ADGRL2: variants seen among roughly 807,000 people sequenced by gnomAD.
ADGRL2 encodes adhesion G protein-coupled receptor L2.
ADGRL2 carries 44 observed loss-of-function variants against 157.4 expected under a neutral mutation model. The ratio of observed to expected loss-of-function variants is 0.28; its 90% CI spans 0.22 to 0.36. The LOEUF (loss-of-function observed/expected upper bound fraction) is 0.36, where lower values mean the gene tolerates loss of function less well. ADGRL2 is among the 10% of genes least tolerant of loss of function. ADGRL2 has a pLI of 1.00. For missense variants in ADGRL2, 1,510 were observed against 1,768.9 expected, an observed-to-expected ratio of 0.85 and a Z score of 2.63; for synonymous variants, 585 against 624.7, an observed-to-expected ratio of 0.94 and a Z score of 0.95.
intron 1 of ADGRL2, among the ~76,000 whole-genome samples, chr1:81,381,967 G>T (rs2101053278): frequency 6.6e-6 from 1 of 152,258 alleles, no homozygotes; most frequent in South Asian, 2.1e-4. Flanking sequence ...GCCCTTCGTT[G>T]TTTGTGATTC....
Position 81,984,729 on chromosome 1 carries a change from A to G in ADGRL2, c.3411+18A>G. 1.9e-6 allele frequency: 3 copies of G among 1,611,390 alleles called. No homozygotes were observed. Among genetic ancestry groups the G allele is most frequent in the Non-Finnish European group, 2.5e-6 (3 of 1,178,238 alleles). ...GCACACAGGTAACAAAGAGTTTGAC[A>G]GCATCTTTAATTAACCTTATTTATA... On this transcript the variant is annotated intron_variant, in intron 20 of 23. Transcript: ENST00000686636.
At chr1:81,937,179 A>G (rs1342979886) in intron 4 of ADGRL2, among the ~76,000 whole-genome samples, 2 of 151,936 alleles carry the variant, frequency 1.3e-5, no homozygotes, top group Non-Finnish European at 2.9e-5. Context: ...TTTTCTAAAG[A>G]AGGAATTGAC....
intron 1 of ADGRL2, among the ~76,000 whole-genome samples, chr1:81,740,716 C>A (rs2085046183): frequency 6.6e-6 from 1 of 152,120 alleles, no homozygotes; most frequent in African/African-American, 2.4e-5. Context: ...GCAAGTTAAA[C>A]CATTTGGTGG....
chr1:81,944,286 A>G lies in ADGRL2; in HGVS notation c.1210+517A>G, dbSNP rs540550009. Among the ~76,000 whole-genome samples, 5 of 152,032 alleles carry G rather than the reference A, an allele frequency of 3.3e-5. No homozygotes were observed. In the South Asian group the frequency reaches 8.3e-4, roughly 25 times the overall value. On this transcript the variant is annotated intron_variant, in intron 6 of 23. Coordinates refer to ENST00000686636, the MANE Select transcript of ADGRL2 (RefSeq NM_001366006.2). ...TTATCATGTAAAATTACATGTTTTT[A>G]TTTTCTGATAAATTAGTGACAGTTT...
upstream of ADGRL2, among the ~76,000 whole-genome samples, chr1:81,798,128 ATAT>A (rs201182752): frequency 0.018 from 2,706 of 152,244 alleles, 72 homozygotes; most frequent in African/African-American, 0.061. Context: ...ACATCTGTAG[ATAT>A]TATTAAGCTT....
chr1:81,540,792 G>T (rs1369224159), intron 2 of ADGRL2, among the ~76,000 whole-genome samples: 1 of 152,174 alleles, frequency 6.6e-6, no homozygotes, highest in Non-Finnish European at 1.5e-5. Flanking sequence ...AGGTAATTAT[G>T]TGAATTAGCT....
At chr1:81,448,569 G>C (rs930785554) in intron 2 of ADGRL2, among the ~76,000 whole-genome samples, 1 of 151,930 alleles carries the variant, frequency 6.6e-6, no homozygotes, top group Non-Finnish European at 1.5e-5. Flanking sequence ...AGGTGTGGTG[G>C]CCTACCCCTA....
chr1:81,424,300 G>A (rs1032096991), intron 1 of ADGRL2, among the ~76,000 whole-genome samples: 2 of 152,246 alleles, frequency 1.3e-5, no homozygotes, highest in African/African-American at 2.4e-5. Flanking sequence ...CACGAAGGAA[G>A]TGCACAGCCG....
chr1:81,326,987 C>T (rs1208021626), intron 1 of ADGRL2, among the ~76,000 whole-genome samples: 1 of 152,180 alleles, frequency 6.6e-6, no homozygotes, highest in Non-Finnish European at 1.5e-5. Flanking sequence ...ACTCGGATTT[C>T]CCTGCAGCGG....
At chr1:81,479,923 T>C (rs1557721453) in intron 2 of ADGRL2, among the ~76,000 whole-genome samples, 1 of 152,232 alleles carries the variant, frequency 6.6e-6, no homozygotes, top group Non-Finnish European at 1.5e-5. Context: ...TAAGTCAAAA[T>C]GATACCTTAA....
At chr1:81,885,216 A>G (rs1413892316) in intron 2 of ADGRL2, among the ~76,000 whole-genome samples, 1 of 152,212 alleles carries the variant, frequency 6.6e-6, no homozygotes, top group Non-Finnish European at 1.5e-5. Context: ...TGTTATGCTT[A>G]TAATACTTGA....
chr1:81,323,411 ATTTT>A (rs138358062), intron 1 of ADGRL2, among the ~76,000 whole-genome samples: 448 of 109,734 alleles, frequency 4.1e-3, no homozygotes, highest in African/African-American at 0.014. Context: ...GACTAATTCA[ATTTT>A]TTTTTTTTTT....
intron 2 of ADGRL2, among the ~76,000 whole-genome samples, chr1:81,840,563 A>T (rs2092531522): frequency 1.3e-5 from 2 of 152,126 alleles, no homozygotes; most frequent in Admixed American, 6.6e-5. Context: ...AACATGGCAA[A>T]AGCTAATTAT....
chr1:81,569,849 A>G (rs1168385715), intron 2 of ADGRL2, among the ~76,000 whole-genome samples: 1 of 152,124 alleles, frequency 6.6e-6, no homozygotes, highest in Non-Finnish European at 1.5e-5. Flanking sequence ...TTAAACCAAA[A>G]AAGATGTCAG....
rs1295808183 is a variant in ADGRL2 at position 81,827,560 on chromosome 1, C to G, written c.-100-9325C>G. The stretch of plus-strand genomic sequence containing the variant: ...TACATATGGCTCTGTTATACACACA[C>G]TGAAAACACGAATTGTTTTTTTTGA... On this transcript the variant is annotated intron_variant, in intron 1 of 23. Coordinates refer to ENST00000686636, the MANE Select transcript of ADGRL2 (RefSeq NM_001366006.2). Among the ~76,000 whole-genome samples, 3 of 152,184 alleles carry G rather than the reference C, an allele frequency of 2.0e-5. 1 individual carries two copies. Among genetic ancestry groups the G allele is most frequent in the Admixed American group, 2.0e-4 (3 of 15,264 alleles).
intron 1 of ADGRL2, among the ~76,000 whole-genome samples, chr1:81,388,413 G>A (rs2076475421): frequency 6.6e-6 from 1 of 151,282 alleles, no homozygotes; most frequent in Non-Finnish European, 1.5e-5. Flanking sequence ...AGTGAAGGCT[G>A]CAAATCAGTA....
chr1:81,332,839 TTG>T (rs1190797496), intron 1 of ADGRL2, among the ~76,000 whole-genome samples: 1 of 152,194 alleles, frequency 6.6e-6, no homozygotes, highest in East Asian at 1.9e-4. Context: ...AGTTCAGTTT[TTG>T]TGTTATTGTT....
intron 2 of ADGRL2, among the ~76,000 whole-genome samples, chr1:81,453,918 A>G (rs2077749997): frequency 6.6e-6 from 1 of 152,204 alleles, no homozygotes; most frequent in Admixed American, 6.5e-5. Context: ...TGGAAGGAAA[A>G]AAAATCTTCC....
chr1:81,976,377 TAA>T (rs1572471245), intron 17 of ADGRL2, among the ~76,000 whole-genome samples: 1 of 151,990 alleles, frequency 6.6e-6, no homozygotes, highest in African/African-American at 2.4e-5. Flanking sequence ...TTTCAGAGGC[TAA>T]GTTAGTGTTG....
Sources: allele counts gnomAD v4.1 joint callset (sites outside exome capture counted in the v4.1 genomes callset), GRCh38; gene constraint gnomAD v4.1.1; transcripts MANE v1.5; gene names NCBI Gene and HGNC (gene_info 2026-07-23, HGNC 2026-07-21).